LAMA3: variants seen among roughly 807,000 people sequenced by gnomAD.
LAMA3 encodes the protein laminin subunit alpha-3.
Under a neutral mutation model 402.0 loss-of-function variants are expected in LAMA3, and 281 were observed. That is an observed-to-expected ratio of 0.70 (90% CI 0.63 to 0.77). LAMA3 has a LOEUF of 0.77. LAMA3 is among the 30% of genes least tolerant of loss of function. The pLI, the probability that LAMA3 is intolerant of heterozygous loss-of-function variation, is 0.00. For missense variants in LAMA3, 3,840 were observed against 4,215.5 expected (o/e 0.91, Z 2.47); for synonymous variants, 1,431 against 1,558.4 (o/e 0.92, Z 1.93).
At chr18:23,933,959 G>C in intron 67 of LAMA3, 24 bp downstream of exon 67, 1 of 1,612,560 alleles carries the variant, frequency 6.2e-7, no homozygotes, top group Non-Finnish European at 8.5e-7. Context: ...CCTAACCCTG[G>C]GTTTCCCTCT....
At chr18:23,832,655 T>C (rs2144511563) in intron 23 of LAMA3, among the ~76,000 whole-genome samples, 1 of 152,328 alleles carries the variant, frequency 6.6e-6, no homozygotes, top group African/African-American at 2.4e-5. Context: ...CATTAGGATA[T>C]ATGCATGATG....
chr18:23,884,052 GT>G (rs2064990193), intron 40 of LAMA3, among the ~76,000 whole-genome samples: 1 of 4,822 alleles, frequency 2.1e-4, no homozygotes, highest in Admixed American at 3.2e-3. Flanking sequence ...TCTTTGGTGT[GT>G]GTGTGTGTGT....
At chr18:23,905,257 C>T (rs1005884127) in intron 51 of LAMA3, among the ~76,000 whole-genome samples, 1 of 152,050 alleles carries the variant, frequency 6.6e-6, no homozygotes, top group South Asian at 2.1e-4. Flanking sequence ...GGTTTTTGTA[C>T]GAATGACAGT....
intron 2 of LAMA3, among the ~76,000 whole-genome samples, chr18:23,718,184 C>T (rs758752926): frequency 6.9e-4 from 105 of 152,062 alleles, no homozygotes; most frequent in Non-Finnish European, 1.4e-3. Context: ...AGATCTCTCC[C>T]GTGAGATCGG....
intron 2 of LAMA3, among the ~76,000 whole-genome samples, chr18:23,745,550 C>T (rs1350078924): frequency 6.6e-6 from 1 of 152,190 alleles, no homozygotes; most frequent in Non-Finnish European, 1.5e-5. Flanking sequence ...GGTCCTGTGA[C>T]ATAGCAAACA....
intron 8 of LAMA3, among the ~76,000 whole-genome samples, chr18:23,765,497 G>T (rs2062057295): frequency 6.6e-6 from 1 of 152,144 alleles, no homozygotes; most frequent in South Asian, 2.1e-4. Context: ...TTTTTTAGAG[G>T]AATGCTAATG....
chr18:23,842,825 A>G, intron 29 of LAMA3, 75 bp downstream of exon 29: 3 of 1,565,882 alleles, frequency 1.9e-6, no homozygotes, highest in East Asian at 2.2e-5. Context: ...TGTTTAGCTC[A>G]TGGAAATAAT....
At chr18:23,932,637 A>G (rs2082195835) in intron 66 of LAMA3, 2 of 320,678 alleles carry the variant, frequency 6.2e-6, no homozygotes, top group Admixed American at 4.3e-5. Flanking sequence ...ACGGTTTTCA[A>G]GGCCAAGGAA....
intron 27 of LAMA3, among the ~76,000 whole-genome samples, chr18:23,840,748 T>C (rs1276320297): frequency 6.6e-6 from 1 of 152,190 alleles, no homozygotes; most frequent in Non-Finnish European, 1.5e-5. Flanking sequence ...TCACAGGACT[T>C]TTAAAGTTCT....
chr18:23,949,971 G>A (rs1285653557), intron 71 of LAMA3, 47 bp downstream of exon 71: 19 of 1,614,034 alleles, frequency 1.2e-5, no homozygotes, highest in Non-Finnish European at 1.5e-5. Flanking sequence ...CTTAAGAACT[G>A]TATCCTGTTT....
At chr18:23,698,575 G>T (rs1476372133) in intron 1 of LAMA3, among the ~76,000 whole-genome samples, 1 of 152,176 alleles carries the variant, frequency 6.6e-6, no homozygotes. Context: ...GCTTCATTTG[G>T]ACTCATTGTC....
intron 8 of LAMA3, among the ~76,000 whole-genome samples, chr18:23,772,223 G>A (rs1296611414): frequency 6.6e-6 from 1 of 152,044 alleles, no homozygotes; most frequent in African/African-American, 2.4e-5. Flanking sequence ...TATATTTTTA[G>A]CAGAGACGGG....
intron 7 of LAMA3, among the ~76,000 whole-genome samples, chr18:23,759,399 A>G (rs1185050606): frequency 2.0e-5 from 3 of 152,082 alleles, no homozygotes; most frequent in African/African-American, 7.2e-5. Flanking sequence ...ACATCCAACT[A>G]TAGATTTTCT....
Position 23,939,317 on chromosome 18 carries a change from C to T in LAMA3, c.8957C>T (p.Ala2986Val), listed in dbSNP as rs777637175. The T allele has an allele frequency of 1.2e-5, 19 of 1,614,076 alleles. No homozygotes were observed. Among genetic ancestry groups the T allele is most frequent in the Non-Finnish European group, 1.6e-5 (19 of 1,180,008 alleles). Residue 2986 changes from alanine (A) to valine (V), a missense_variant, in exon 68 of 75, where the codon GCC becomes GTC. By Grantham distance (64) the Ala-to-Val change is moderately conservative. Transcript: ENST00000313654. The part of the protein sequence containing the change: ...PLPKTQANHG[A>V]LQFGDIPTSH... ...CCCAAGACCCAGGCCAATCATGGAGCCCTCCAGTTTGGGGACATTCCCACC... is the reference window on the plus strand; with the variant it reads ...CCCAAGACCCAGGCCAATCATGGAGTCCTCCAGTTTGGGGACATTCCCACC...
intron 1 of LAMA3, among the ~76,000 whole-genome samples, chr18:23,694,483 A>G (rs1158487958): frequency 6.6e-6 from 1 of 152,226 alleles, no homozygotes; most frequent in African/African-American, 2.4e-5. Flanking sequence ...AGCATATTAC[A>G]CATTGAGTTC....
chr18:23,779,992 G>A (rs1010025691), intron 11 of LAMA3, among the ~76,000 whole-genome samples: 5 of 152,192 alleles, frequency 3.3e-5, no homozygotes, highest in African/African-American at 9.7e-5. Flanking sequence ...GGGCAGTCAC[G>A]TTGGCTTAGA....
chr18:23,719,422 T>C (rs1325997928), intron 2 of LAMA3, among the ~76,000 whole-genome samples: 1 of 152,212 alleles, frequency 6.6e-6, no homozygotes, highest in East Asian at 1.9e-4. Flanking sequence ...ATGAAAATGT[T>C]ATTTAAAATG....
At position 23,820,667 on chromosome 18, in the gene LAMA3, A is replaced by C. The variant is rs190634685; in HGVS notation, c.2304+670A>C. Among the ~76,000 whole-genome samples the C allele has an allele frequency of 3.9e-5, 6 of 152,304 alleles. No individual in the cohort carries two copies. In the East Asian group the frequency reaches 1.2e-3, roughly 29 times the overall value. ...TATAACTAAAAAATTCTGTATAGCC[A>C]TTGAGTAGCTTTGTCCTCAGAATTT... is the stretch of plus-strand genomic sequence containing the variant. On this transcript the variant is annotated intron_variant, in intron 19 of 74. Transcript: ENST00000313654.
intron 2 of LAMA3, among the ~76,000 whole-genome samples, chr18:23,742,244 A>G (rs1361183792): frequency 6.6e-6 from 1 of 152,194 alleles, no homozygotes; most frequent in Admixed American, 6.5e-5. Flanking sequence ...AAGACTTAGA[A>G]CAGACTGTGG....
Sources: allele counts gnomAD v4.1 joint callset (sites outside exome capture counted in the v4.1 genomes callset), GRCh38; gene constraint gnomAD v4.1.1; transcripts MANE v1.5; gene names NCBI Gene and HGNC (gene_info 2026-07-23, HGNC 2026-07-21).